RFX3: variants seen among roughly 807,000 people sequenced by gnomAD.
RFX3 encodes transcription factor RFX3.
In RFX3, 14 loss-of-function variants were observed where a neutral mutation model predicts 98.6. The observed-to-expected ratio is 0.14, with a 90% CI of 0.09 to 0.22. The LOEUF is 0.22. RFX3 is among the 10% of genes least tolerant of loss of function. The pLI is 1.00. For synonymous variants in RFX3, 383 were observed against 328.4 expected, an observed-to-expected ratio of 1.17 and a Z score of -1.80; for missense variants, 639 against 926.9, an observed-to-expected ratio of 0.69 and a Z score of 4.03.
rs371910512 is a variant in RFX3 at position 3,285,234 on chromosome 9, G to A, written c.851+2897C>T. On this transcript the variant is annotated intron_variant, in intron 7 of 16. Coordinates refer to ENST00000617270, the MANE Select transcript of RFX3 (RefSeq NM_001282116.2). ...ATAAACCTTCAAGTATTCAAACAAC[G>A]TGAATATTTTGAAATATCTTCTATT... Among the ~76,000 whole-genome samples the A allele has an allele frequency of 1.1e-4, 17 of 151,770 alleles. No homozygotes were observed. In the South Asian group the frequency reaches 1.2e-3, roughly 11 times the overall value.
intron 2 of RFX3, among the ~76,000 whole-genome samples, chr9:3,387,518 A>G (rs528543393): frequency 6.6e-6 from 1 of 152,188 alleles, no homozygotes; most frequent in Non-Finnish European, 1.5e-5. Context: ...ACTTATTTCC[A>G]TTGTAAATCA....
chr9:3,410,161 CTGTGTGTGTGTGTGTG>C (rs555349379), intron 1 of RFX3, among the ~76,000 whole-genome samples: 20 of 114,122 alleles, frequency 1.8e-4, no homozygotes, highest in South Asian at 3.8e-4. Flanking sequence ...GTGAGATAAA[CTGTGTGTGTGTGTGTG>C]TGTGTGTGTG....
In RFX3 at chr9:3,483,564, T is replaced by C. The variant is rs573560362; in HGVS notation, c.-9+42183A>G. On this transcript the variant is annotated intron_variant, in intron 1 of 16. Transcript: ENST00000617270. ...AAGACAGGCCATAGTGGCCGGGCTC[T>C]GTTATACTTAGGGGAACTCTATAAT... 3.3e-5 allele frequency among the ~76,000 whole-genome samples: 5 copies of C among 152,172 alleles called. No individual in the cohort carries two copies. In the East Asian group the frequency reaches 9.6e-4, roughly 29 times the overall value.
At chr9:3,311,135 A>G (rs1278030209) in intron 4 of RFX3, among the ~76,000 whole-genome samples, 1 of 152,238 alleles carries the variant, frequency 6.6e-6, no homozygotes, top group Non-Finnish European at 1.5e-5. Context: ...GAGACATAGC[A>G]TTTCTGTTTT....
chr9:3,398,664 T>C (rs753788548), intron 1 of RFX3, among the ~76,000 whole-genome samples: 1 of 152,120 alleles, frequency 6.6e-6, no homozygotes, highest in Non-Finnish European at 1.5e-5. Flanking sequence ...TCGCACTAAA[T>C]CTGCCTCCTA....
chr9:3,443,249 TAC>T (rs1845753616), intron 1 of RFX3, among the ~76,000 whole-genome samples: 1 of 152,214 alleles, frequency 6.6e-6, no homozygotes, highest in Non-Finnish European at 1.5e-5. Flanking sequence ...GCAGGTTTGT[TAC>T]ATAGGTAAAT....
chr9:3,498,366 TTTTAAG>T (rs1373663788), intron 1 of RFX3, among the ~76,000 whole-genome samples: 2 of 152,076 alleles, frequency 1.3e-5, no homozygotes, highest in Non-Finnish European at 2.9e-5. Context: ...CTTAGATAAA[TTTTAAG>T]TTTATCATAA....
intron 4 of RFX3, among the ~76,000 whole-genome samples, chr9:3,305,744 T>C (rs1829224382): frequency 6.6e-6 from 1 of 152,034 alleles, no homozygotes; most frequent in Admixed American, 6.6e-5. Flanking sequence ...GACAGAGGAA[T>C]AGTGTGCAAA....
rs144136266 is a variant in RFX3, at chr9:3,296,410, C to T, written c.550-3152G>A. Among the ~76,000 whole-genome samples the T allele has an allele frequency of 2.6e-3, 390 of 151,964 alleles. 4 individuals are homozygous for T. Among genetic ancestry groups the T allele is most frequent in the Admixed American group, 0.01 (156 of 15,210 alleles). Reference sequence around the variant, plus strand: ...TTGGCTATGCAGGCCACTGAAATGGCTAGGTAAGTCAAAAAATCTGCACCG... The same window carrying T: ...TTGGCTATGCAGGCCACTGAAATGGTTAGGTAAGTCAAAAAATCTGCACCG... On this transcript the variant is annotated intron_variant, in intron 5 of 16. Transcript: ENST00000617270.
chr9:3,501,519 T>C (rs917306313), intron 1 of RFX3, among the ~76,000 whole-genome samples: 1 of 151,858 alleles, frequency 6.6e-6, no homozygotes, highest in East Asian at 1.9e-4. Context: ...TCAATAAGGA[T>C]GTTGATATAC....
chr9:3,355,468 A>G (rs954368171), intron 2 of RFX3, among the ~76,000 whole-genome samples: 1 of 151,924 alleles, frequency 6.6e-6, no homozygotes, highest in African/African-American at 2.4e-5. Context: ...AAAAAGAGAA[A>G]TATTTCATTA....
intron 2 of RFX3, among the ~76,000 whole-genome samples, chr9:3,371,364 T>A (rs1171542515): frequency 6.6e-6 from 1 of 152,204 alleles, no homozygotes; most frequent in Non-Finnish European, 1.5e-5. Flanking sequence ...TAATACTTTA[T>A]ATTAGAGCAA....
At chr9:3,225,312 C>T (rs141568904) in intron 16 of RFX3, 32 bp from the exon 17 acceptor site, 1 of 1,606,016 alleles carries the variant, frequency 6.2e-7, no homozygotes, top group Non-Finnish European at 8.5e-7. Flanking sequence ...AGACTATCAT[C>T]GAAGACAAAT....
chr9:3,393,380 T>TA (rs1019102018), intron 2 of RFX3, among the ~76,000 whole-genome samples: 3 of 152,082 alleles, frequency 2.0e-5, no homozygotes, highest in Non-Finnish European at 4.4e-5. Context: ...GTAAATTCAA[T>TA]AAAAAGAAAA....
intron 1 of RFX3, among the ~76,000 whole-genome samples, chr9:3,504,462 T>A (rs186571214): frequency 8.3e-6 from 1 of 120,984 alleles, no homozygotes; most frequent in Non-Finnish European, 1.6e-5. Context: ...TTATATGCCA[T>A]ATGGTATATA....
At chr9:3,487,450 G>A (rs982622950) in intron 1 of RFX3, among the ~76,000 whole-genome samples, 1 of 152,114 alleles carries the variant, frequency 6.6e-6, no homozygotes, top group African/African-American at 2.4e-5. Flanking sequence ...TGTATATCCT[G>A]TGTACAGTAT....
At chr9:3,368,638 T>C (rs1389328126) in intron 2 of RFX3, among the ~76,000 whole-genome samples, 2 of 152,228 alleles carry the variant, frequency 1.3e-5, no homozygotes, top group African/African-American at 2.4e-5. Flanking sequence ...ACAAAAGATA[T>C]TATTGACCTA....
chr9:3,466,444 T>G (rs557797179), intron 1 of RFX3, among the ~76,000 whole-genome samples: 1 of 152,266 alleles, frequency 6.6e-6, no homozygotes, highest in East Asian at 1.9e-4. Flanking sequence ...GTCAAATGCA[T>G]ATGGCTAGGT....
intron 4 of RFX3, among the ~76,000 whole-genome samples, chr9:3,321,457 A>C (rs1364641900): frequency 1.3e-5 from 2 of 152,074 alleles, no homozygotes; most frequent in Non-Finnish European, 2.9e-5. Context: ...CCTCTTCCGC[A>C]TTGCTTGTAT....
Sources: gnomAD v4.1 joint callset for allele counts (sites outside exome capture counted in the v4.1 genomes callset) on GRCh38, gnomAD v4.1.1 for gene constraint, MANE v1.5 for transcripts, NCBI Gene and HGNC (gene_info 2026-07-23, HGNC 2026-07-21) for gene names.